The following ARHGAP6 variants were observed in gnomAD, a reference collection of about 807,000 sequenced individuals.
The protein encoded by ARHGAP6 is Rho GTPase activating protein 6.
Under a neutral mutation model 55.7 loss-of-function variants are expected in ARHGAP6, and 16 were observed. The ratio of observed to expected loss-of-function variants is 0.29; its 90% confidence interval spans 0.19 to 0.44. The LOEUF (loss-of-function observed/expected upper bound fraction) is 0.44. ARHGAP6 is among the 20% of genes least tolerant of loss of function. ARHGAP6 has a pLI of 1.00. For synonymous variants in ARHGAP6, 382 were observed against 360.9 expected, an observed-to-expected ratio of 1.06 and a Z score of -0.66; for missense variants, 698 against 808.9, an observed-to-expected ratio of 0.86 and a Z score of 1.66.
At chrX:11,221,431 A>C (rs2046968358) in intron 2 of ARHGAP6, 1 of 151,801 alleles carries the variant, frequency 6.6e-6, no homozygotes, top group African/African-American at 3.2e-5. Context: ...TCAATCATAC[A>C]ACTGTTACAA....
intron 1 of ARHGAP6, among the ~76,000 whole-genome samples, chrX:11,539,984 G>A (rs948790525): frequency 6.3e-5 from 7 of 110,914 alleles, no homozygotes; most frequent in African/African-American, 2.3e-4. Flanking sequence ...GGCTGGGTAC[G>A]GTGGCTCATG....
At chrX:11,295,081 A>G (rs2048060282) in intron 1 of ARHGAP6, among the ~76,000 whole-genome samples, 1 of 112,072 alleles carries the variant, frequency 8.9e-6, no homozygotes, top group African/African-American at 3.2e-5. Context: ...CATTTTTATA[A>G]GCACCCCAGG....
At chrX:11,171,773 G>A (rs989190502) in intron 8 of ARHGAP6, among the ~76,000 whole-genome samples, 3 of 110,932 alleles carry the variant, frequency 2.7e-5, no homozygotes, top group African/African-American at 9.9e-5. Context: ...TGCTGTGGGG[G>A]CTGTCCTGTG....
chrX:11,184,963 T>C (rs7062749), intron 5 of ARHGAP6, among the ~76,000 whole-genome samples: 25,389 of 111,552 alleles, frequency 0.23, 2,427 homozygotes, highest in African/African-American at 0.36. Context: ...TGCTCCTACA[T>C]TACAAACCTG....
At chrX:11,548,760 C>A (rs2051237903) in intron 1 of ARHGAP6, among the ~76,000 whole-genome samples, 1 of 110,746 alleles carries the variant, frequency 9.0e-6, no homozygotes, top group Non-Finnish European at 1.9e-5. Context: ...AGGCATGCAC[C>A]ACCACACCCA....
intron 9 of ARHGAP6, among the ~76,000 whole-genome samples, chrX:11,159,352 A>G (rs1399563822): frequency 9.0e-6 from 1 of 111,690 alleles, no homozygotes; most frequent in Non-Finnish European, 1.9e-5. Context: ...AGATAAAGCA[A>G]GGAGAGCAGA....
At chrX:11,345,573 T>A (rs920197996) in intron 1 of ARHGAP6, among the ~76,000 whole-genome samples, 1 of 111,838 alleles carries the variant, frequency 8.9e-6, no homozygotes, top group Non-Finnish European at 1.9e-5. Flanking sequence ...CAAAGAAAAA[T>A]AAAGAAAAAA....
chrX:11,438,964 T>G (rs1262728633), intron 1 of ARHGAP6, among the ~76,000 whole-genome samples: 1 of 112,382 alleles, frequency 8.9e-6, no homozygotes, highest in East Asian at 2.8e-4. Flanking sequence ...TCTGTACCAC[T>G]TTCTATTGCT....
intron 2 of ARHGAP6, among the ~76,000 whole-genome samples, chrX:11,242,817 C>T (rs2047301884): frequency 9.0e-6 from 1 of 111,685 alleles, no homozygotes; most frequent in Non-Finnish European, 1.9e-5. Flanking sequence ...GGAGTCTTAT[C>T]ATTACTTGTT....
chrX:11,518,878 T>A (rs1213387201), intron 1 of ARHGAP6, among the ~76,000 whole-genome samples: 1 of 88,816 alleles, frequency 1.1e-5, no homozygotes, highest in Non-Finnish European at 2.2e-5. Flanking sequence ...AGTGAGAATA[T>A]GCAGTGTTTG....
At chrX:11,324,162 A>G (rs1322206437) in intron 1 of ARHGAP6, among the ~76,000 whole-genome samples, 1 of 111,849 alleles carries the variant, frequency 8.9e-6, no homozygotes, top group East Asian at 2.8e-4. Flanking sequence ...TTTGAAGGAA[A>G]TTTTTCACAA....
At chrX:11,390,830 C>A (rs1287570707) in intron 1 of ARHGAP6, among the ~76,000 whole-genome samples, 93 of 111,922 alleles carry the variant, frequency 8.3e-4, no homozygotes, top group African/African-American at 2.0e-3. Flanking sequence ...GCTGGAGAGG[C>A]TGTGGAGAAA....
chrX:11,260,008 C>T (rs751346530), intron 1 of ARHGAP6, among the ~76,000 whole-genome samples: 32 of 110,972 alleles, frequency 2.9e-4, no homozygotes, highest in African/African-American at 9.2e-4. Flanking sequence ...ATTATCCAGG[C>T]GAGTGCAATG....
intron 1 of ARHGAP6, among the ~76,000 whole-genome samples, chrX:11,439,303 A>G (rs774801154): frequency 1.8e-5 from 2 of 112,387 alleles, no homozygotes; most frequent in Non-Finnish European, 3.8e-5. Flanking sequence ...ATTTTATGAA[A>G]TGAAAATTAC....
chrX:11,400,270 G>T (rs1556008095), intron 1 of ARHGAP6, among the ~76,000 whole-genome samples: 1 of 111,477 alleles, frequency 9.0e-6, no homozygotes, highest in African/African-American at 3.3e-5. Flanking sequence ...ATGCATCACT[G>T]CAGGAGTTCA....
rs764580689 is a variant in ARHGAP6, at chrX:11,314,988, T to C, written c.589-60281A>G. 3.6e-5 allele frequency among the ~76,000 whole-genome samples: 4 copies of C among 112,482 alleles called. No homozygotes were observed. The East Asian group carries it at 1.1e-3, about 31-fold the overall frequency. ...TATTGATAAGATCACCAAGTGTCCATAAATGCAAATTATCAATAATCGTTC... is the reference window on the plus strand; with the variant it reads ...TATTGATAAGATCACCAAGTGTCCACAAATGCAAATTATCAATAATCGTTC... On this transcript the variant is annotated intron_variant, in intron 1 of 12. Coordinates refer to ENST00000337414, the MANE Select transcript of ARHGAP6 (RefSeq NM_013427.3).
intron 1 of ARHGAP6, among the ~76,000 whole-genome samples, chrX:11,320,364 G>C (rs2048416510): frequency 8.9e-6 from 1 of 111,944 alleles, no homozygotes; most frequent in Non-Finnish European, 1.9e-5. Context: ...AATTTAATTG[G>C]TAATTTTAAT....
chrX:11,355,407 G>C (rs1311590969), intron 1 of ARHGAP6, among the ~76,000 whole-genome samples: 6 of 112,274 alleles, frequency 5.3e-5, no homozygotes, highest in African/African-American at 1.9e-4. Context: ...GAAAGAAACT[G>C]ATGTTGAGAC....
intron 1 of ARHGAP6, among the ~76,000 whole-genome samples, chrX:11,412,071 T>C (rs2147767025): frequency 9.0e-6 from 1 of 111,668 alleles, no homozygotes; most frequent in African/African-American, 3.3e-5. Flanking sequence ...TATCTCTCCT[T>C]TAAGAAAATC....
Sources: gnomAD v4.1 joint callset for allele counts (sites outside exome capture counted in the v4.1 genomes callset) on GRCh38, gnomAD v4.1.1 for gene constraint, MANE v1.5 for transcripts, NCBI Gene and HGNC (gene_info 2026-07-23, HGNC 2026-07-21) for gene names.